CCSER1: variants seen among roughly 807,000 people sequenced by gnomAD.
The protein encoded by CCSER1 is serine-rich coiled-coil domain-containing protein 1.
A neutral mutation model predicts 82.0 loss-of-function variants in CCSER1; 41 were observed. That is an observed-to-expected ratio of 0.50 (90% CI 0.39 to 0.65). CCSER1 has a LOEUF of 0.65. Ranked by LOEUF, CCSER1 falls within the 30% of genes least tolerant of loss-of-function variation. CCSER1 has a pLI of 0.00. For synonymous variants in CCSER1, 414 were observed against 383.9 expected, an observed-to-expected ratio of 1.08 and a Z score of -0.92; for missense variants, 1,119 against 1,064.2, an observed-to-expected ratio of 1.05 and a Z score of -0.72.
chr4:91,538,089 A>G (rs1761389008), intron 10 of CCSER1, among the ~76,000 whole-genome samples: 1 of 152,052 alleles, frequency 6.6e-6, no homozygotes, highest in South Asian at 2.1e-4. Context: ...TACAACCACT[A>G]TTCAATCATG....
At chr4:91,468,106 T>A (rs1757035358) in intron 10 of CCSER1, among the ~76,000 whole-genome samples, 1 of 152,190 alleles carries the variant, frequency 6.6e-6, no homozygotes, top group Admixed American at 6.5e-5. Flanking sequence ...CCAACCCAAA[T>A]GTCCAACAGT....
intron 6 of CCSER1, among the ~76,000 whole-genome samples, chr4:90,638,518 A>T (rs1453056250): frequency 1.3e-5 from 2 of 152,194 alleles, no homozygotes; most frequent in Admixed American, 6.5e-5. Flanking sequence ...TAGGTTAAAA[A>T]AATTTACAAG....
intron 10 of CCSER1, among the ~76,000 whole-genome samples, chr4:91,215,666 G>T (rs1409106083): frequency 6.6e-6 from 1 of 152,010 alleles, no homozygotes; most frequent in African/African-American, 2.4e-5. Context: ...TTTGAGGGTG[G>T]GTCTGCCTTT....
At chr4:91,464,175 C>A (rs75273271) in intron 10 of CCSER1, among the ~76,000 whole-genome samples, 6 of 149,926 alleles carry the variant, frequency 4.0e-5, no homozygotes, top group African/African-American at 1.5e-4. Flanking sequence ...ACTCTACAAG[C>A]CAGAAGAGAG....
At chr4:91,480,818 G>T (rs867919923) in intron 10 of CCSER1, among the ~76,000 whole-genome samples, 4 of 152,098 alleles carry the variant, frequency 2.6e-5, no homozygotes, top group African/African-American at 4.8e-5. Context: ...TACTTCTAAA[G>T]AAACTGTTAA....
chr4:90,299,735 G>A (rs532506622), intron 1 of CCSER1, among the ~76,000 whole-genome samples: 2 of 152,244 alleles, frequency 1.3e-5, no homozygotes, highest in Admixed American at 1.3e-4. Flanking sequence ...GTGTTGAGAT[G>A]TAGATAGCAT....
chr4:90,199,336 T>C (rs1184320070), intron 1 of CCSER1, among the ~76,000 whole-genome samples: 5 of 152,174 alleles, frequency 3.3e-5, no homozygotes, highest in African/African-American at 1.2e-4. Context: ...ACTTGTTATT[T>C]ACTTTTTCTC....
chr4:91,216,833 C>A (rs72875110), intron 10 of CCSER1, among the ~76,000 whole-genome samples: 1 of 152,042 alleles, frequency 6.6e-6, no homozygotes, highest in African/African-American at 2.4e-5. Context: ...AAAACTGATA[C>A]GCTTGGATTT....
chr4:91,540,222 T>C (rs1411975630), intron 10 of CCSER1, among the ~76,000 whole-genome samples: 4 of 152,110 alleles, frequency 2.6e-5, no homozygotes, highest in East Asian at 1.9e-4. Flanking sequence ...CAAACCTACA[T>C]TGATGCATCC....
intron 1 of CCSER1, among the ~76,000 whole-genome samples, chr4:90,157,149 A>G (rs1056021828): frequency 1.3e-5 from 2 of 152,140 alleles, no homozygotes; most frequent in African/African-American, 2.4e-5. Context: ...GTTTGGCTGG[A>G]TATGAAATTC....
At chr4:90,717,435 C>G (rs908204402) in intron 6 of CCSER1, among the ~76,000 whole-genome samples, 9 of 152,084 alleles carry the variant, frequency 5.9e-5, no homozygotes, top group African/African-American at 2.2e-4. Context: ...GGTTGTTGAA[C>G]CAGACTAAAG....
At chr4:91,223,957 TAGTA>T (rs1737948691) in intron 10 of CCSER1, among the ~76,000 whole-genome samples, 2 of 152,048 alleles carry the variant, frequency 1.3e-5, no homozygotes, top group African/African-American at 2.4e-5. Context: ...TAAAAATTAA[TAGTA>T]AGGTACCTTT....
chr4:91,537,818 GT>G (rs11312406), intron 10 of CCSER1, among the ~76,000 whole-genome samples: 97,636 of 151,366 alleles, frequency 0.65, 31,671 homozygotes, highest in East Asian at 0.73. Flanking sequence ...AAAACCACAT[GT>G]TTTTTTTCTT....
intron 4 of CCSER1, among the ~76,000 whole-genome samples, chr4:90,408,109 G>C (rs1754036758): frequency 6.6e-6 from 1 of 152,232 alleles, no homozygotes; most frequent in African/African-American, 2.4e-5. Flanking sequence ...CATTGCCCAG[G>C]CTTGAGTAGC....
chr4:90,766,584 C>A (rs959736884), intron 7 of CCSER1, among the ~76,000 whole-genome samples: 1 of 151,996 alleles, frequency 6.6e-6, no homozygotes, highest in Middle Eastern at 3.2e-3. Flanking sequence ...TTCCAGGCTG[C>A]AGTGAGCTAT....
intron 6 of CCSER1, among the ~76,000 whole-genome samples, chr4:90,701,633 C>T (rs1241749084): frequency 2.0e-5 from 3 of 152,102 alleles, no homozygotes; most frequent in South Asian, 2.1e-4. Context: ...AATGTTCTTC[C>T]GTTTGTTTAT....
chr4:90,810,639 C>CCCTCTCAA (rs1225167580), intron 7 of CCSER1, among the ~76,000 whole-genome samples: 6 of 141,816 alleles, frequency 4.2e-5, no homozygotes, highest in Admixed American at 3.6e-4. Context: ...GAGCGAGACT[C>CCCTCTCAA]CCTCTCAACA....
At chr4:90,889,199 A>G (rs537342297) in intron 8 of CCSER1, among the ~76,000 whole-genome samples, 2 of 152,198 alleles carry the variant, frequency 1.3e-5, no homozygotes, top group Non-Finnish European at 2.9e-5. Flanking sequence ...ACTGAATTCC[A>G]CAGACATTTC....
At chr4:91,110,495 TACTC>T (rs1219302695) in intron 10 of CCSER1, among the ~76,000 whole-genome samples, 6 of 152,170 alleles carry the variant, frequency 3.9e-5, no homozygotes, top group Admixed American at 3.9e-4. Context: ...TAAAGCCACT[TACTC>T]AACACCACAT....
Sources: allele counts gnomAD v4.1 joint callset (sites outside exome capture counted in the v4.1 genomes callset), GRCh38; gene constraint gnomAD v4.1.1; transcripts MANE v1.5; gene names NCBI Gene and HGNC (gene_info 2026-07-23, HGNC 2026-07-21).